BMP6: variants seen among roughly 807,000 people sequenced by gnomAD.
BMP6 encodes the protein bone morphogenetic protein 6.
Under a neutral mutation model 54.1 loss-of-function variants are expected in BMP6, and 17 were observed. The ratio of observed to expected loss-of-function variants is 0.31; its 90% CI spans 0.22 to 0.47. The LOEUF (loss-of-function observed/expected upper bound fraction) is 0.47, where lower values mean the gene tolerates loss of function less well. Among genes scored for constraint, BMP6 ranks in the 20% least tolerant of loss-of-function variants. BMP6 has a pLI of 1.00. For synonymous variants in BMP6, 328 were observed against 291.2 expected, an observed-to-expected ratio of 1.13 and a Z score of -1.28; for missense variants, 720 against 690.4, an observed-to-expected ratio of 1.04 and a Z score of -0.48.
At chr6:7,799,456 A>G (rs1758237925) in intron 1 of BMP6, among the ~76,000 whole-genome samples, 1 of 152,152 alleles carries the variant, frequency 6.6e-6, no homozygotes, top group South Asian at 2.1e-4. Context: ...TTTTTTGAAG[A>G]AGGGCTATTT....
intron 1 of BMP6, among the ~76,000 whole-genome samples, chr6:7,779,228 C>T (rs1284055320): frequency 6.6e-5 from 10 of 152,240 alleles, no homozygotes; most frequent in Non-Finnish European, 1.5e-4. Flanking sequence ...TCCCCAGTGC[C>T]AGGCAACCAT....
intron 1 of BMP6, among the ~76,000 whole-genome samples, chr6:7,804,563 T>G (rs1758318449): frequency 6.6e-6 from 1 of 152,184 alleles, no homozygotes; most frequent in African/African-American, 2.4e-5. Flanking sequence ...GGATGAAGAT[T>G]TTAGAACCCG....
intron 1 of BMP6, among the ~76,000 whole-genome samples, chr6:7,776,944 C>T (rs139885163): frequency 4.4e-4 from 67 of 152,340 alleles, no homozygotes; most frequent in Middle Eastern, 3.4e-3. Context: ...AAATACTGCT[C>T]AGTCTGGCTA....
chr6:7,868,019 G>A (rs1759453544), intron 4 of BMP6, among the ~76,000 whole-genome samples: 1 of 152,204 alleles, frequency 6.6e-6, no homozygotes. Context: ...GGAGGGCACT[G>A]GGGCCAGGAG....
At chr6:7,776,377 G>A (rs1757861156) in intron 1 of BMP6, among the ~76,000 whole-genome samples, 1 of 152,240 alleles carries the variant, frequency 6.6e-6, no homozygotes, top group African/African-American at 2.4e-5. Context: ...TGAATCAACA[G>A]TAACATGAAG....
At chr6:7,878,023 T>C (rs1446257917) in intron 4 of BMP6, among the ~76,000 whole-genome samples, 1 of 152,130 alleles carries the variant, frequency 6.6e-6, no homozygotes, top group Non-Finnish European at 1.5e-5. Flanking sequence ...CATTCATTTC[T>C]CCAGCTTTAT....
chr6:7,746,216 G>A (rs1046738561), intron 1 of BMP6, among the ~76,000 whole-genome samples: 2 of 152,188 alleles, frequency 1.3e-5, no homozygotes, highest in African/African-American at 2.4e-5. Context: ...CACAGTACTC[G>A]GCAGGGGAAG....
chr6:7,873,033 T>C (rs769525118), intron 4 of BMP6, among the ~76,000 whole-genome samples: 1 of 151,982 alleles, frequency 6.6e-6, no homozygotes, highest in Non-Finnish European at 1.5e-5. Context: ...CTCAAACTCA[T>C]GGGTTCAAAC....
chr6:7,737,301 T>C (rs1761969863), intron 1 of BMP6, among the ~76,000 whole-genome samples: 1 of 151,946 alleles, frequency 6.6e-6, no homozygotes, highest in African/African-American at 2.4e-5. Flanking sequence ...TGTGGGAGGA[T>C]AGGTGTTTAA....
intron 1 of BMP6, among the ~76,000 whole-genome samples, chr6:7,741,115 C>T (rs1478630312): frequency 2.6e-5 from 4 of 152,152 alleles, no homozygotes; most frequent in African/African-American, 4.8e-5. Flanking sequence ...GGTGAAACTG[C>T]CCACTGCCAC....
rs560302209 is a variant in BMP6, at chr6:7,727,552, A to C, written c.597A>C (p.Pro199=). ...GATCTGGCAGCGGCGGCGCGTCCCC[A>C]CTGACCAGCGCGCAGGACAGCGCCT... is the stretch of plus-strand genomic sequence containing the variant. The part of the protein sequence containing the change: ...APGSGSGGAS[P]LTSAQDSAFL... The change falls in exon 1 of 7, where the codon CCA becomes CCC. Residue 199 remains proline, a synonymous_variant. Coordinates refer to ENST00000283147, the MANE Select transcript of BMP6 (RefSeq NM_001718.6). The C allele has an allele frequency of 1.4e-4, 225 of 1,594,528 alleles. 2 individuals are homozygous for C. The South Asian group carries it at 2.3e-3, about 16-fold the overall frequency.
chr6:7,778,248 G>GT (rs1299771405), intron 1 of BMP6, among the ~76,000 whole-genome samples: 4 of 152,208 alleles, frequency 2.6e-5, no homozygotes, highest in African/African-American at 9.6e-5. Context: ...AAAGAAGTGT[G>GT]TATGGGTGCA....
intron 1 of BMP6, among the ~76,000 whole-genome samples, chr6:7,806,210 A>T (rs544077218): frequency 6.6e-6 from 1 of 152,350 alleles, no homozygotes; most frequent in East Asian, 1.9e-4. Context: ...TCACCCTCAC[A>T]CATAGCAGAT....
intron 1 of BMP6, among the ~76,000 whole-genome samples, chr6:7,825,446 C>T (rs1366510705): frequency 1.3e-5 from 2 of 152,074 alleles, no homozygotes; most frequent in Admixed American, 6.5e-5. Flanking sequence ...TTAGGCCAGG[C>T]GTGGTGGATC....
At chr6:7,839,443 G>A (rs1471000703) in intron 1 of BMP6, among the ~76,000 whole-genome samples, 1 of 152,158 alleles carries the variant, frequency 6.6e-6, no homozygotes, top group African/African-American at 2.4e-5. Context: ...TGACTATTTG[G>A]GTACTTACTA....
In BMP6 at chr6:7,826,980, C is replaced by T. The variant is rs550301014; in HGVS notation, c.665-18160C>T. Among the ~76,000 whole-genome samples the T allele has an allele frequency of 1.3e-4, 20 of 152,320 alleles. No individual in the cohort carries two copies. In the South Asian group the frequency reaches 2.7e-3, roughly 20 times the overall value. ...ATGATGTTTTAGAATTTCCATGCCT[C>T]GTTGAGGCTGGAATTTGGTACAGAT... On this transcript the variant is annotated intron_variant, in intron 1 of 6. Coordinates refer to ENST00000283147, the MANE Select transcript of BMP6 (RefSeq NM_001718.6).
chr6:7,755,040 TTTAAC>T (rs1391397416), intron 1 of BMP6, among the ~76,000 whole-genome samples: 5 of 152,340 alleles, frequency 3.3e-5, no homozygotes, highest in South Asian at 4.1e-4. Context: ...CTTTTTAACT[TTTAAC>T]TTATCTGTGT....
intron 1 of BMP6, among the ~76,000 whole-genome samples, chr6:7,757,408 C>T (rs900276473): frequency 4.6e-5 from 7 of 152,162 alleles, no homozygotes; most frequent in East Asian, 1.9e-4. Context: ...ATCTCTACCT[C>T]GGCCATCATA....
chr6:7,853,828 G>A (rs1759181974), intron 2 of BMP6, among the ~76,000 whole-genome samples: 1 of 151,826 alleles, frequency 6.6e-6, no homozygotes, highest in African/African-American at 2.4e-5. Context: ...GTGACCCATG[G>A]TTCAGGTTAT....
Sources: allele counts gnomAD v4.1 joint callset (sites outside exome capture counted in the v4.1 genomes callset), GRCh38; gene constraint gnomAD v4.1.1; transcripts MANE v1.5; gene names NCBI Gene and HGNC (gene_info 2026-07-23, HGNC 2026-07-21).